CAST: variants seen among roughly 807,000 people sequenced by gnomAD.
CAST encodes the protein MIR583 host.
A neutral mutation model predicts 119.6 loss-of-function variants in CAST; 76 were observed. The observed-to-expected ratio is 0.64, with a 90% CI of 0.53 to 0.77. The LOEUF (loss-of-function observed/expected upper bound fraction) is 0.77, where lower values mean the gene tolerates loss of function less well. CAST is among the 30% of genes least tolerant of loss of function. CAST has a pLI of 0.00. For missense variants in CAST, 953 were observed against 946.5 expected (o/e 1.01, Z -0.09); for synonymous variants, 319 against 331.6 (o/e 0.96, Z 0.41).
the CAST span, among the ~76,000 whole-genome samples, chr5:96,294,546 A>G: frequency 1.3e-5 from 2 of 152,270 alleles, no homozygotes; most frequent in Non-Finnish European, 2.9e-5. Flanking sequence ...TGTAGAAAAG[A>G]AATTGCCAGT....
At chr5:96,267,174 A>G in the CAST span, among the ~76,000 whole-genome samples, 5 of 152,202 alleles carry the variant, frequency 3.3e-5, no homozygotes, top group Admixed American at 2.6e-4. Flanking sequence ...CCTACAAAGT[A>G]TAGAAAATTG....
the CAST span, chr5:96,410,671 G>A: frequency 2.3e-5 from 22 of 965,304 alleles, no homozygotes; most frequent in Non-Finnish European, 3.5e-5. Context: ...GAGACATCAA[G>A]CTTAAGCGAA....
chr5:95,988,991 G>A, the CAST span, among the ~76,000 whole-genome samples: 5 of 152,052 alleles, frequency 3.3e-5, no homozygotes, highest in African/African-American at 1.2e-4. Context: ...GGAACGAGTG[G>A]GCCTGTTTTT....
At chr5:96,169,540 G>A in the CAST span, among the ~76,000 whole-genome samples, 2 of 152,186 alleles carry the variant, frequency 1.3e-5, no homozygotes, top group Non-Finnish European at 2.9e-5. Flanking sequence ...TGGGGGAATT[G>A]TAAGGAGAGT....
At chr5:95,972,928 A>G in the CAST span, 1 of 152,244 alleles carries the variant, frequency 6.6e-6, no homozygotes, top group African/African-American at 2.4e-5. Context: ...GATGATCCTA[A>G]TTAAACCAGC....
chr5:96,311,111 T>A, the CAST span, among the ~76,000 whole-genome samples: 5 of 152,116 alleles, frequency 3.3e-5, no homozygotes, highest in South Asian at 1.0e-3. Flanking sequence ...ATCCCATACA[T>A]TTTTATATGT....
At chr5:96,496,417 C>A in the CAST span, among the ~76,000 whole-genome samples, 10 of 152,108 alleles carry the variant, frequency 6.6e-5, no homozygotes, top group African/African-American at 2.4e-4. Flanking sequence ...TCTTGATCAA[C>A]CCTGTTACAT....
At chr5:96,722,592 G>T (rs1195040896) in intron 3 of CAST, 47 bp from the exon 4 acceptor site, 30 of 1,389,852 alleles carry the variant, frequency 2.2e-5, no homozygotes, top group Non-Finnish European at 3.0e-5. Flanking sequence ...CATGTAGATT[G>T]TAGGTTAAAT....
chr5:96,105,209 T>G, the CAST span, among the ~76,000 whole-genome samples: 3 of 151,798 alleles, frequency 2.0e-5, no homozygotes, highest in Non-Finnish European at 4.4e-5. Context: ...CCTCTTTTCC[T>G]AATTGAATAC....
At chr5:96,082,717 G>A in the CAST span, among the ~76,000 whole-genome samples, 1 of 152,100 alleles carries the variant, frequency 6.6e-6, no homozygotes, top group African/African-American at 2.4e-5. Context: ...TAAAGGTATG[G>A]ACAAATCTTC....
upstream of CAST, chr5:96,662,009 A>G: frequency 5.8e-6 from 1 of 173,214 alleles, no homozygotes. Flanking sequence ...TGTTGGGAGG[A>G]GGGTCGAAGC....
the CAST span, among the ~76,000 whole-genome samples, chr5:96,151,378 G>A: frequency 2.6e-5 from 4 of 152,322 alleles, no homozygotes; most frequent in Admixed American, 6.5e-5. Context: ...GTGTGTGCCT[G>A]TAGTCCTAGC....
At chr5:96,475,456 C>A in the CAST span, among the ~76,000 whole-genome samples, 1 of 152,092 alleles carries the variant, frequency 6.6e-6, no homozygotes, top group Non-Finnish European at 1.5e-5. Flanking sequence ...TTGCACCAAA[C>A]GATGAGAAAG....
the CAST span, among the ~76,000 whole-genome samples, chr5:96,357,964 C>G: frequency 6.6e-6 from 1 of 151,900 alleles, no homozygotes; most frequent in Admixed American, 6.6e-5. Context: ...TGGTCCTGAA[C>G]TTTTTTTTGT....
At chr5:96,334,327 T>G in the CAST span, among the ~76,000 whole-genome samples, 1 of 152,154 alleles carries the variant, frequency 6.6e-6, no homozygotes, top group East Asian at 1.9e-4. Context: ...TAGTTGTTTA[T>G]TGGCTGGGCC....
chr5:96,172,497 A>C, the CAST span, among the ~76,000 whole-genome samples: 1 of 152,232 alleles, frequency 6.6e-6, no homozygotes, highest in East Asian at 1.9e-4. Context: ...GGTATATGGC[A>C]ATATGCAATT....
intron 3 of CAST, among the ~76,000 whole-genome samples, chr5:96,704,843 T>C (rs1326102051): frequency 6.6e-6 from 1 of 152,260 alleles, no homozygotes; most frequent in Non-Finnish European, 1.5e-5. Flanking sequence ...ATGGACGCTC[T>C]TGACTTAAAA....
the CAST span, among the ~76,000 whole-genome samples, chr5:96,233,948 CA>C: frequency 0.13 from 19,358 of 150,304 alleles, 1,585 homozygotes; most frequent in East Asian, 0.22. Flanking sequence ...TACATAATTG[CA>C]AAAAAAAATT....
At chr5:96,649,468 T>C (rs1748065442) in intron 1 of CAST, among the ~76,000 whole-genome samples, 1 of 152,232 alleles carries the variant, frequency 6.6e-6, no homozygotes, top group Non-Finnish European at 1.5e-5. Context: ...TTGTTTGTCA[T>C]CTTCTCGTAA....
Sources: allele counts gnomAD v4.1 joint callset (sites outside exome capture counted in the v4.1 genomes callset), GRCh38; gene constraint gnomAD v4.1.1; transcripts MANE v1.5; gene names NCBI Gene and HGNC (gene_info 2026-07-23, HGNC 2026-07-21).